The following ATP13A5 variants were observed in gnomAD, a reference collection of about 807,000 sequenced individuals.
The protein encoded by ATP13A5 is ATPase 13A5, also known as probable cation-transporting ATPase 13A5.
ATP13A5 carries 149 observed loss-of-function variants against 150.2 expected under a neutral mutation model. That is an observed-to-expected ratio of 0.99 (90% CI 0.87 to 1.14). ATP13A5 has a LOEUF of 1.14. ATP13A5 is among the 50% of genes most tolerant of loss of function. ATP13A5 has a pLI of 0.00. For synonymous variants in ATP13A5, 497 were observed against 522.2 expected, an observed-to-expected ratio of 0.95 and a Z score of 0.66; for missense variants, 1,383 against 1,449.3, an observed-to-expected ratio of 0.95 and a Z score of 0.74.
chr3:193,315,203 C>A, intron 17 of ATP13A5, 107 bp from the exon 18 acceptor site: 9 of 1,096,756 alleles, frequency 8.2e-6, no homozygotes, highest in East Asian at 5.4e-5. Context: ...GCAATACAGG[C>A]ACATTTTAAA....
At chr3:193,331,799 A>G (rs551815019) in intron 11 of ATP13A5, among the ~76,000 whole-genome samples, 1 of 152,318 alleles carries the variant, frequency 6.6e-6, no homozygotes, top group East Asian at 1.9e-4. Context: ...TAGGCTACGT[A>G]TATTATTTAG....
chr3:193,321,776 A>G lies in ATP13A5; in HGVS notation c.1820T>C (p.Met607Thr). Residue 607 changes from methionine to threonine, a missense_variant, in exon 16 of 30, where the codon ATG becomes ACG. By Grantham distance (81) the Met-to-Thr change is moderately conservative (BLOSUM62 -1). Around this residue, in one of 3 missense-constraint regions of ATP13A5, gnomAD observed 787 missense variants for 771.9 expected, o/e 1.02. Coordinates refer to ENST00000342358, the MANE Select transcript of ATP13A5 (RefSeq NM_198505.4). The stretch of plus-strand genomic sequence containing the variant: ...CCCAGCTAGCTGAGCGATCACGGAC[A>G]TCCTCTGCAGGCTCGAGGAAAATGG... ...QFPFSSSLQR[M>T]SVIAQLAGEN... The G allele has an allele frequency of 6.2e-7, 1 of 1,614,186 alleles. No individual in the cohort carries two copies. The highest frequency in any genetic ancestry group is 8.5e-7 in the Non-Finnish European group (1 of 1,180,014).
intron 12 of ATP13A5, among the ~76,000 whole-genome samples, chr3:193,328,339 C>T (rs979489188): frequency 6.6e-6 from 1 of 152,206 alleles, no homozygotes; most frequent in Non-Finnish European, 1.5e-5. Flanking sequence ...TGAATTATTT[C>T]TTAAACAACA....
intron 9 of ATP13A5, among the ~76,000 whole-genome samples, chr3:193,337,806 T>C (rs565511601): frequency 6.6e-6 from 1 of 152,364 alleles, no homozygotes; most frequent in Non-Finnish European, 1.5e-5. Context: ...GCATTGTATC[T>C]ATAAATTACC....
At chr3:193,304,862 C>T (rs1718546936) in intron 23 of ATP13A5, among the ~76,000 whole-genome samples, 1 of 152,134 alleles carries the variant, frequency 6.6e-6, no homozygotes, top group African/African-American at 2.4e-5. Flanking sequence ...AGGAAACTTA[C>T]AAAGATGGCG....
chr3:193,299,009 T>A (rs577090235), intron 25 of ATP13A5, 122 bp downstream of exon 25: 1 of 728,520 alleles, frequency 1.4e-6, no homozygotes, highest in South Asian at 1.9e-5. Flanking sequence ...TTTAAAAAAT[T>A]GTAAATAATG....
chr3:193,355,621 A>C (rs1712752911), intron 5 of ATP13A5, among the ~76,000 whole-genome samples: 1 of 152,108 alleles, frequency 6.6e-6, no homozygotes, highest in South Asian at 2.1e-4. Context: ...AGGTCTTCTG[A>C]CTCCATGCCA....
At position 193,345,049 on chromosome 3, in the gene ATP13A5, C is replaced by A; in HGVS notation, c.768G>T (p.Val256=). Residue 256 remains valine, a synonymous_variant, in exon 8 of 30, where the codon GTG becomes GTT. Transcript: ENST00000342358. ...TAACCTGGACTTTGTTGTGGTCCTC[C>A]ACGAGGTTATGCAGCTTAACTGATT... ...RQQSVKLHNL[V]EDHNKVQVTI... is the part of the protein sequence containing the mutation. The A allele has an allele frequency of 6.2e-7, 1 of 1,613,696 alleles. No individual in the cohort carries two copies. The highest frequency in any genetic ancestry group is 2.2e-5 in the East Asian group (1 of 44,866).
At chr3:193,279,196 G>A (rs992507747) in intron 28 of ATP13A5, among the ~76,000 whole-genome samples, 170 bp downstream of exon 28, 7 of 152,154 alleles carry the variant, frequency 4.6e-5, no homozygotes, top group African/African-American at 1.7e-4. Flanking sequence ...AACCATTAGA[G>A]GCCAGTATAG....
Position 193,305,601 on chromosome 3 carries a change from G to A in ATP13A5, c.2636C>T (p.Thr879Ile), listed in dbSNP as rs760012300. ...EQEASVASPF[T>I]SKTTNIQCVP... is the part of the protein sequence containing the mutation. Reference sequence around the variant, plus strand: ...ACACTGGATGTTGGTTGTTTTAGAGGTAAAAGGGGATGCCACAGATGCTTC... The same window carrying A: ...ACACTGGATGTTGGTTGTTTTAGAGATAAAAGGGGATGCCACAGATGCTTC... Residue 879 changes from threonine (T) to isoleucine (I), a missense_variant, in exon 23 of 30, where the codon ACC (threonine) becomes ATC (isoleucine). Thr to Ile is a moderately conservative substitution (Grantham distance 89). Coordinates refer to ENST00000342358, the MANE Select transcript of ATP13A5 (RefSeq NM_198505.4). 56 of 1,613,818 alleles carry A rather than the reference G, an allele frequency of 3.5e-5. No individual in the cohort carries two copies. The highest frequency in any genetic ancestry group is 4.2e-5 in the Non-Finnish European group (49 of 1,179,876).
intron 1 of ATP13A5, among the ~76,000 whole-genome samples, chr3:193,371,504 T>A (rs548303734): frequency 7.2e-5 from 11 of 152,328 alleles, no homozygotes; most frequent in African/African-American, 2.6e-4. Context: ...CTTACAAGAC[T>A]AAACTCAAGG....
intron 28 of ATP13A5, chr3:193,277,768 C>G (rs925476705): frequency 6.6e-6 from 1 of 152,206 alleles, no homozygotes; most frequent in African/African-American, 2.4e-5. Context: ...TGCCACCACT[C>G]CAATCCAGAA....
chr3:193,332,985 C>G (rs1028095719), intron 11 of ATP13A5, among the ~76,000 whole-genome samples: 1 of 152,128 alleles, frequency 6.6e-6, no homozygotes, highest in African/African-American at 2.4e-5. Context: ...TTCACAGGCC[C>G]CATCGTGGGC....
At position 193,373,868 on chromosome 3, in the gene ATP13A5, C is replaced by A. The variant is rs567892177; in HGVS notation, c.63+4795G>T. 1.1e-3 allele frequency among the ~76,000 whole-genome samples: 171 copies of A among 152,164 alleles called. 1 individual carries two copies. Among genetic ancestry groups the A allele is most frequent in the Non-Finnish European group, 2.2e-3 (149 of 68,032 alleles). ...GAAAATTACTTCGAAGCAAAATGCA[C>A]CTTTGTCAGTTCTGTTTTGTCCACA... On this transcript the variant is annotated intron_variant, in intron 1 of 29. Transcript: ENST00000342358.
intron 13 of ATP13A5, among the ~76,000 whole-genome samples, chr3:193,325,431 C>G (rs769691161): frequency 1.6e-4 from 25 of 152,208 alleles, no homozygotes; most frequent in Middle Eastern, 3.2e-3. Flanking sequence ...GAATTTTCCA[C>G]TGGCCAATCA....
At chr3:193,298,515 T>C (rs1718263423) in intron 25 of ATP13A5, among the ~76,000 whole-genome samples, 1 of 152,140 alleles carries the variant, frequency 6.6e-6, no homozygotes, top group Admixed American at 6.6e-5. Context: ...TTTCATAACA[T>C]GCCTATTGTT....
chr3:193,299,265 C>A, intron 24 of ATP13A5, 62 bp from the exon 25 acceptor site: 1 of 1,330,480 alleles, frequency 7.5e-7, no homozygotes, highest in South Asian at 1.3e-5. Flanking sequence ...ATTTATTATT[C>A]CCTACACTCT....
chr3:193,378,707 T>C lies in ATP13A5; in HGVS notation c.19A>G (p.Lys7Glu), dbSNP rs1165947492. Reference sequence around the variant, plus strand: ...TGGTTGAGCAAAGCCCGATGGTCCTTCTTACTGTTCTCTTCCATCTGAACT... The same window carrying C: ...TGGTTGAGCAAAGCCCGATGGTCCTCCTTACTGTTCTCTTCCATCTGAACT... MEENSK[K>E]DHRALLNQGE... is the part of the protein sequence containing the mutation. Residue 7 changes from lysine (K) to glutamate (E), a missense_variant, in exon 1 of 30, where the codon AAG (lysine) becomes GAG (glutamate). Coordinates refer to ENST00000342358, the MANE Select transcript of ATP13A5 (RefSeq NM_198505.4). 3.7e-6 allele frequency: 6 copies of C among 1,613,908 alleles called. No homozygotes were observed. Among genetic ancestry groups the C allele is most frequent in the Non-Finnish European group, 5.1e-6 (6 of 1,179,804 alleles).
At chr3:193,280,240 A>T (rs1717424341) in intron 27 of ATP13A5, among the ~76,000 whole-genome samples, 1 of 152,008 alleles carries the variant, frequency 6.6e-6, no homozygotes, top group Non-Finnish European at 1.5e-5. Flanking sequence ...TTTTCCATAG[A>T]GATGGGGTTT....
Sources: allele counts gnomAD v4.1 joint callset (sites outside exome capture counted in the v4.1 genomes callset), GRCh38; gene constraint gnomAD v4.1.1; regional missense constraint gnomAD v4.1.1; transcripts MANE v1.5; gene names NCBI Gene and HGNC (gene_info 2026-07-23, HGNC 2026-07-21).